Variants in SEMA3A observed in about 807,000 individuals in gnomAD.
SEMA3A encodes the protein semaphorin-3A.
Under a neutral mutation model 97.9 loss-of-function variants are expected in SEMA3A, and 29 were observed. The observed-to-expected ratio is 0.30, with a 90% CI of 0.22 to 0.40. SEMA3A has a LOEUF of 0.40. Among genes scored for constraint, SEMA3A ranks in the 10% least tolerant of loss-of-function variants. The pLI is 1.00. For synonymous variants in SEMA3A, 321 were observed against 323.7 expected (o/e 0.99, Z 0.09); for missense variants, 763 against 951.3 (o/e 0.80, Z 2.60).
intron 4 of SEMA3A, among the ~76,000 whole-genome samples, chr7:84,070,859 G>A (rs1793714068): frequency 6.6e-6 from 1 of 151,994 alleles, no homozygotes; most frequent in Non-Finnish European, 1.5e-5. Flanking sequence ...CTTCCTGGAA[G>A]TCTTCAGAGA....
chr7:84,483,504 G>A (rs1291873875), intron 1 of SEMA3A, among the ~76,000 whole-genome samples: 1 of 152,106 alleles, frequency 6.6e-6, no homozygotes, highest in Non-Finnish European at 1.5e-5. Flanking sequence ...AGGCTTTCAA[G>A]CCAGGAATTT....
intron 1 of SEMA3A, among the ~76,000 whole-genome samples, chr7:84,164,897 A>G (rs573200553): frequency 2.0e-5 from 3 of 152,308 alleles, no homozygotes; most frequent in Middle Eastern, 3.4e-3. Flanking sequence ...AATTATTAAC[A>G]TGTGTATTTT....
intron 3 of SEMA3A, among the ~76,000 whole-genome samples, chr7:84,213,808 T>C (rs1456554204): frequency 6.6e-6 from 1 of 152,234 alleles, no homozygotes; most frequent in Admixed American, 6.5e-5. Context: ...CTTGTCTTAA[T>C]TTTTAATTAC....
intron 1 of SEMA3A, among the ~76,000 whole-genome samples, chr7:84,385,428 A>G (rs1377883784): frequency 6.6e-6 from 1 of 152,166 alleles, no homozygotes; most frequent in East Asian, 1.9e-4. Context: ...CTTCCTGCTC[A>G]TGGAAACTTT....
chr7:84,108,678 G>T (rs1192507214), intron 4 of SEMA3A, among the ~76,000 whole-genome samples: 1 of 152,100 alleles, frequency 6.6e-6, no homozygotes, highest in African/African-American at 2.4e-5. Context: ...GGCTGAGGTG[G>T]GTGGATTGCC....
At chr7:84,422,500 T>A (rs1034422255) in intron 1 of SEMA3A, among the ~76,000 whole-genome samples, 5 of 152,122 alleles carry the variant, frequency 3.3e-5, no homozygotes, top group African/African-American at 1.2e-4. Flanking sequence ...TAAAGGATTT[T>A]TCATGTCTCT....
At chr7:84,436,580 T>C (rs1805137009) in intron 1 of SEMA3A, among the ~76,000 whole-genome samples, 1 of 152,164 alleles carries the variant, frequency 6.6e-6, no homozygotes. Flanking sequence ...CTTTACAAGA[T>C]TGATGTTTAA....
intron 1 of SEMA3A, among the ~76,000 whole-genome samples, chr7:84,137,689 TA>T (rs58880773): frequency 0.36 from 30,676 of 85,384 alleles, 3,813 homozygotes; most frequent in African/African-American, 0.46. Flanking sequence ...GGCCAAACTT[TA>T]AAAAAAAAAA....
At chr7:84,110,280 C>T (rs1157515369) in intron 4 of SEMA3A, among the ~76,000 whole-genome samples, 190 bp downstream of exon 4, 1 of 152,128 alleles carries the variant, frequency 6.6e-6, no homozygotes, top group Non-Finnish European at 1.5e-5. Flanking sequence ...CTCCTGCTCC[C>T]TAGTTTTTGT....
At chr7:84,366,208 C>T (rs2372454) in intron 2 of SEMA3A, among the ~76,000 whole-genome samples, 43,292 of 150,884 alleles carry the variant, frequency 0.29, 6,666 homozygotes, top group African/African-American at 0.38. Context: ...TTATGTTAGC[C>T]AACATAGTAC....
intron 1 of SEMA3A, among the ~76,000 whole-genome samples, chr7:84,439,919 G>T (rs1317273576): frequency 2.0e-5 from 3 of 152,080 alleles, no homozygotes; most frequent in African/African-American, 4.8e-5. Flanking sequence ...ATAAACCCAG[G>T]ATATGGAAGA....
At chr7:84,185,555 G>A (rs1477193512) in intron 1 of SEMA3A, among the ~76,000 whole-genome samples, 1 of 151,476 alleles carries the variant, frequency 6.6e-6, no homozygotes, top group Non-Finnish European at 1.5e-5. Flanking sequence ...GCCAGGCATG[G>A]TGATACATGC....
At chr7:84,214,385 C>T (rs895528312) in intron 3 of SEMA3A, among the ~76,000 whole-genome samples, 2 of 152,068 alleles carry the variant, frequency 1.3e-5, no homozygotes, top group African/African-American at 2.4e-5. Flanking sequence ...TATATTTTTT[C>T]AAATTCATCT....
chr7:84,215,464 A>G (rs957139719), intron 3 of SEMA3A, among the ~76,000 whole-genome samples: 4 of 152,176 alleles, frequency 2.6e-5, no homozygotes, highest in African/African-American at 9.7e-5. Context: ...TGCTGGGATT[A>G]TAGGCGTGAG....
intron 3 of SEMA3A, among the ~76,000 whole-genome samples, chr7:84,249,021 C>A (rs1799538219): frequency 6.6e-6 from 1 of 152,136 alleles, no homozygotes; most frequent in Non-Finnish European, 1.5e-5. Context: ...CTAGGCTTGG[C>A]AAATCATATG....
intron 2 of SEMA3A, among the ~76,000 whole-genome samples, chr7:84,313,350 GTGTGTGTATATATATATATATATATATA>G (rs1224095321): frequency 1.0e-4 from 4 of 38,668 alleles, no homozygotes; most frequent in African/African-American, 3.6e-4. Context: ...ATGTATATGT[GTGTGTGTATATATATATATATATATATA>G]TATATATATA....
chr7:84,151,617 G>A (rs1796674706), intron 1 of SEMA3A, among the ~76,000 whole-genome samples: 1 of 152,168 alleles, frequency 6.6e-6, no homozygotes, highest in Non-Finnish European at 1.5e-5. Flanking sequence ...CGTCTGATTG[G>A]TGTACCTGAA....
intron 1 of SEMA3A, among the ~76,000 whole-genome samples, chr7:84,374,315 C>T (rs1562924326): frequency 6.6e-6 from 1 of 152,208 alleles, no homozygotes; most frequent in African/African-American, 2.4e-5. Context: ...AAGATGTTCA[C>T]TGATGCACTG....
At chr7:84,250,913 G>T (rs1445553379) in intron 3 of SEMA3A, among the ~76,000 whole-genome samples, 1 of 152,054 alleles carries the variant, frequency 6.6e-6, no homozygotes, top group African/African-American at 2.4e-5. Flanking sequence ...TCTTGCTTTT[G>T]TTTTCTATTC....
Sources: gnomAD v4.1 joint callset for allele counts (sites outside exome capture counted in the v4.1 genomes callset) on GRCh38, gnomAD v4.1.1 for gene constraint, MANE v1.5 for transcripts, NCBI Gene and HGNC (gene_info 2026-07-23, HGNC 2026-07-21) for gene names.